Variants in TMEM196 observed in about 807,000 individuals in gnomAD.
The protein encoded by TMEM196 is transmembrane protein 196.
In TMEM196, 17 loss-of-function variants were observed where a neutral mutation model predicts 20.0. That is an observed-to-expected ratio of 0.85 (90% CI 0.58 to 1.27). The LOEUF (loss-of-function observed/expected upper bound fraction) is 1.27, where lower values mean the gene tolerates loss of function less well. Among genes scored for constraint, TMEM196 ranks in the 50% most tolerant of loss-of-function variants. The pLI is 0.00. For missense variants in TMEM196, 267 were observed against 223.0 expected (o/e 1.20, Z -1.26); for synonymous variants, 113 against 88.9 (o/e 1.27, Z -1.52).
At chr7:19,753,243 A>T (rs1158155039) in intron 1 of TMEM196, among the ~76,000 whole-genome samples, 1 of 152,020 alleles carries the variant, frequency 6.6e-6, no homozygotes, top group Non-Finnish European at 1.5e-5. Context: ...TATGCTTATT[A>T]TCTCTGTTAC....
intron 1 of TMEM196, among the ~76,000 whole-genome samples, chr7:19,738,167 T>A (rs992772057): frequency 2.0e-5 from 3 of 152,116 alleles, no homozygotes; most frequent in Admixed American, 2.0e-4. Flanking sequence ...GGGTTACTGG[T>A]TAATGATTTT....
chr7:19,742,444 G>A (rs1283515876), intron 1 of TMEM196, among the ~76,000 whole-genome samples: 3 of 152,040 alleles, frequency 2.0e-5, no homozygotes, highest in East Asian at 1.9e-4. Context: ...CAGGGCTTAC[G>A]TCATATTAAT....
Position 19,720,081 on chromosome 7 carries a change from A to G in TMEM196, c.*2047T>C, listed in dbSNP as rs1758536474. On this transcript the variant is annotated 3_prime_UTR_variant, in exon 5 of 5. Coordinates refer to ENST00000405844, the MANE Select transcript of TMEM196 (RefSeq NM_001363562.2). ...ATTCAGGAGGACCATACACACACAAATATCTTCATGATGTAATTTAGATTT... is the reference window on the plus strand; with the variant it reads ...ATTCAGGAGGACCATACACACACAAGTATCTTCATGATGTAATTTAGATTT... 1 of 152,100 alleles carries G rather than the reference A, an allele frequency of 6.6e-6. No homozygotes were observed. The highest frequency in any genetic ancestry group is 2.4e-5 in the African/African-American group (1 of 41,462). 9.4% of individuals were successfully genotyped at this position (152,100 alleles called of 1,614,324 possible).
Position 19,752,103 on chromosome 7 carries a change from G to T in TMEM196, c.147+20447C>A, listed in dbSNP as rs1249647868. Among the ~76,000 whole-genome samples, 3 of 152,168 alleles carry T rather than the reference G, an allele frequency of 2.0e-5. No individual in the cohort carries two copies. The East Asian group carries it at 5.8e-4, about 29-fold the overall frequency. On this transcript the variant is annotated intron_variant, in intron 1 of 4. Transcript: ENST00000405844. ...AATGTTATATTCAGATTGTGTCGAT[G>T]CTCCAAGAAACTAAAGAATAACATA... is the stretch of plus-strand genomic sequence containing the variant.
chr7:19,753,673 T>A (rs6974669), intron 1 of TMEM196, among the ~76,000 whole-genome samples: 36,812 of 152,104 alleles, frequency 0.24, 5,646 homozygotes, highest in East Asian at 0.43. Context: ...GATTCTAGTC[T>A]CCCTTATCCT....
Position 19,756,495 on chromosome 7 carries a change from T to A in TMEM196, c.147+16055A>T, listed in dbSNP as rs574722400. ...GTATTAAGCCTAGATTCATTAGTTA[T>A]TTTTCCTGATCCTCTCCCTCCTCCC... On this transcript the variant is annotated intron_variant, in intron 1 of 4. Transcript: ENST00000405844. Among the ~76,000 whole-genome samples the A allele has an allele frequency of 2.6e-4, 40 of 152,200 alleles. No individual in the cohort carries two copies. In the East Asian group the frequency reaches 7.4e-3, roughly 28 times the overall value.
At chr7:19,725,283 A>T (rs2128012530) in intron 3 of TMEM196, among the ~76,000 whole-genome samples, 1 of 152,368 alleles carries the variant, frequency 6.6e-6, no homozygotes, top group African/African-American at 2.4e-5. Context: ...ATGAAATACT[A>T]TTTTAAGCAC....
In TMEM196 at chr7:19,751,524, C is replaced by G. The variant is rs185607053; in HGVS notation, c.147+21026G>C. ...GCAGCTAATTAAAGTCTCTGACTCT[C>G]AATTTTCCCATTGGTAAAATGGATG... On this transcript the variant is annotated intron_variant, in intron 1 of 4. Coordinates refer to ENST00000405844, the MANE Select transcript of TMEM196 (RefSeq NM_001363562.2). Among the ~76,000 whole-genome samples the G allele has an allele frequency of 1.5e-3, 222 of 152,288 alleles. 1 individual carries two copies. The highest frequency in any genetic ancestry group is 1.8e-3 in the Non-Finnish European group (124 of 68,018).
chr7:19,772,783 C>T lies in TMEM196; in HGVS notation c.-87G>A. ...TCCACTATCCTCCTTACCCCTTCCACCCCCTACCAGATCCCAAAACTTTTC... is the reference window on the plus strand; with the variant it reads ...TCCACTATCCTCCTTACCCCTTCCATCCCCTACCAGATCCCAAAACTTTTC... On this transcript the variant is annotated 5_prime_UTR_variant, in exon 1 of 5. The change creates a new upstream start codon in the 5' untranslated region. Coordinates refer to ENST00000405844, the MANE Select transcript of TMEM196 (RefSeq NM_001363562.2). 1 of 1,250,500 alleles carries T rather than the reference C, an allele frequency of 8.0e-7. No homozygotes were observed. Among genetic ancestry groups the T allele is most frequent in the Non-Finnish European group, 1.0e-6 (1 of 971,168 alleles). 77.5% of individuals were successfully genotyped at this position (1,250,500 alleles called of 1,614,324 possible).
chr7:19,740,552 A>G (rs1426122340), intron 1 of TMEM196, among the ~76,000 whole-genome samples: 1 of 152,186 alleles, frequency 6.6e-6, no homozygotes, highest in African/African-American at 2.4e-5. Context: ...ATAGCCCATC[A>G]AGATTCATTG....
chr7:19,741,472 C>T (rs1784578821), intron 1 of TMEM196, among the ~76,000 whole-genome samples: 1 of 152,182 alleles, frequency 6.6e-6, no homozygotes, highest in Admixed American at 6.5e-5. Flanking sequence ...TTAATCATCA[C>T]TGAATCAAAT....
intron 2 of TMEM196, among the ~76,000 whole-genome samples, chr7:19,726,655 TATC>T (rs1765013606): frequency 6.6e-6 from 1 of 152,156 alleles, no homozygotes; most frequent in Non-Finnish European, 1.5e-5. Flanking sequence ...AATCAACAAC[TATC>T]ATAGGATCCC....
intron 1 of TMEM196, among the ~76,000 whole-genome samples, chr7:19,742,008 T>A (rs1784596733): frequency 6.6e-6 from 1 of 152,106 alleles, no homozygotes; most frequent in African/African-American, 2.4e-5. Context: ...TGTAGTTCAA[T>A]CTCCTCTTTA....
chr7:19,752,490 C>A lies in TMEM196; in HGVS notation c.147+20060G>T, dbSNP rs151232642. Among the ~76,000 whole-genome samples, 26 of 152,228 alleles carry A rather than the reference C, an allele frequency of 1.7e-4. No individual in the cohort carries two copies. In the East Asian group the frequency reaches 5.0e-3, roughly 29 times the overall value. ...ATTATTTAAGGGCTTTTGAGCGAGT[C>A]CCTCTGCCTTTAGTTTCTCTAATAT... is the stretch of plus-strand genomic sequence containing the variant. On this transcript the variant is annotated intron_variant, in intron 1 of 4. Transcript: ENST00000405844.
Position 19,719,761 on chromosome 7 carries a change from G to A in TMEM196, c.*2367C>T, listed in dbSNP as rs757069040. 2.6e-5 allele frequency: 4 copies of A among 152,022 alleles called. No individual in the cohort carries two copies. The South Asian group carries it at 6.2e-4, about 24-fold the overall frequency. The allele number at this position is 152,022 out of a possible 1,614,324, so 9.4% of individuals were successfully genotyped here. ...AGTAAATCATTCTAAACTCAATTCT[G>A]AAAATACTAGGTAGAAATAATCATA... On this transcript the variant is annotated 3_prime_UTR_variant, in exon 5 of 5. Coordinates refer to ENST00000405844, the MANE Select transcript of TMEM196 (RefSeq NM_001363562.2).
intron 1 of TMEM196, among the ~76,000 whole-genome samples, chr7:19,761,501 A>T (rs1583458024): frequency 6.6e-6 from 1 of 152,048 alleles, no homozygotes; most frequent in Admixed American, 6.5e-5. Flanking sequence ...ATAAAATCCC[A>T]ATAAAATGTA....
intron 2 of TMEM196, among the ~76,000 whole-genome samples, chr7:19,727,885 T>C (rs1784056141): frequency 6.6e-6 from 1 of 152,132 alleles, no homozygotes; most frequent in Non-Finnish European, 1.5e-5. Context: ...TTTCACCAGG[T>C]TGGAGACTCT....
chr7:19,732,586 A>C (rs1583423469), intron 1 of TMEM196, among the ~76,000 whole-genome samples: 1 of 89,754 alleles, frequency 1.1e-5, no homozygotes, highest in Non-Finnish European at 2.3e-5. Context: ...AAAAAAAAAC[A>C]AAAAAAAAAA....
At chr7:19,736,353 C>CTATATATATATACATA (rs1784401220) in intron 1 of TMEM196, among the ~76,000 whole-genome samples, 2 of 38,014 alleles carry the variant, frequency 5.3e-5, no homozygotes, top group Non-Finnish European at 9.7e-5. Context: ...GTGGTTCCTA[C>CTATATATATATACATA]TATATATATA....
Sources: gnomAD v4.1 joint callset for allele counts (sites outside exome capture counted in the v4.1 genomes callset) on GRCh38, gnomAD v4.1.1 for gene constraint, MANE v1.5 for transcripts, NCBI Gene and HGNC (gene_info 2026-07-23, HGNC 2026-07-21) for gene names.